CDA: variants seen among roughly 807,000 people sequenced by gnomAD.
CDA encodes cytidine aminohydrolase.
CDA carries 7 observed loss-of-function variants against 15.0 expected under a neutral mutation model. The observed-to-expected ratio is 0.47, with a 90% CI of 0.26 to 0.87. The LOEUF is 0.87. CDA is among the 40% of genes least tolerant of loss of function. The pLI is 0.15. For synonymous variants in CDA, 58 were observed against 73.0 expected, an observed-to-expected ratio of 0.79 and a Z score of 1.05; for missense variants, 159 against 182.7, an observed-to-expected ratio of 0.87 and a Z score of 0.75.
rs531085538 is a variant in CDA at position 20,605,365 on chromosome 1, C to CG, written c.266+332dup. 2.0e-3 allele frequency among the ~76,000 whole-genome samples: 298 copies of CG among 152,080 alleles called. 5 individuals carry two copies. Among genetic ancestry groups the CG allele is most frequent in the South Asian group, 1.0e-3 (5 of 4,808 alleles). The stretch of plus-strand genomic sequence containing the variant: ...AGAAAGGCAGCATTGAAACATAAAG[C>CG]GGGGGGAACCTGAGCCAGGCGCGGT... On this transcript the variant is annotated intron_variant, in intron 2 of 3. Coordinates refer to ENST00000375071, the MANE Select transcript of CDA (RefSeq NM_001785.3).
Position 20,618,434 on chromosome 1 carries a change from G to C in CDA, c.325-18G>C. On this transcript the variant is annotated intron_variant, in intron 3 of 3. Transcript: ENST00000375071. Reference sequence around the variant, plus strand: ...CAGCCACGCTGTGTCTCTCACGCCAGCTTTGCCTCTTTTCCAGTTTGGCAC... The same window carrying C: ...CAGCCACGCTGTGTCTCTCACGCCACCTTTGCCTCTTTTCCAGTTTGGCAC... 2 of 1,511,594 alleles carry C rather than the reference G, an allele frequency of 1.3e-6. No individual in the cohort carries two copies. The highest frequency in any genetic ancestry group is 1.8e-6 in the Non-Finnish European group (2 of 1,089,646). The allele number at this position is 1,511,594 out of a possible 1,614,324, so 93.6% of individuals were successfully genotyped here.
chr1:20,601,472 C>A (rs1432798401), intron 1 of CDA, among the ~76,000 whole-genome samples: 6 of 152,138 alleles, frequency 3.9e-5, no homozygotes, highest in Non-Finnish European at 8.8e-5. Context: ...TATAGTCTAC[C>A]CTTTGGTGCT....
At position 20,617,995 on chromosome 1, in the gene CDA, C is replaced by A. The variant is rs55738402; in HGVS notation, c.325-457C>A. 9.4e-3 allele frequency among the ~76,000 whole-genome samples: 1,430 copies of A among 152,160 alleles called. 12 individuals are homozygous for A. The highest frequency in any genetic ancestry group is 0.014 in the Middle Eastern group (4 of 294). ...TACAGGCGTGCGCCACAACACCCGG[C>A]CTAAACCTCTTTTCTTTATAAATTA... On this transcript the variant is annotated intron_variant, in intron 3 of 3. Coordinates refer to ENST00000375071, the MANE Select transcript of CDA (RefSeq NM_001785.3).
At position 20,589,299 on chromosome 1, in the gene CDA, C is replaced by G. The variant is rs1021843184; in HGVS notation, c.154+16C>G. ...ATCTTCAAAGGTAAAGGTGGGCACC[C>G]CAGGGTCCCCCAGCCCAGCAGCCTG... On this transcript the variant is annotated intron_variant, in intron 1 of 3. Transcript: ENST00000375071. 1 of 1,611,986 alleles carries G rather than the reference C, an allele frequency of 6.2e-7. No individual in the cohort carries two copies. Among genetic ancestry groups the G allele is most frequent in the Non-Finnish European group, 8.5e-7 (1 of 1,178,794 alleles).
intron 1 of CDA, among the ~76,000 whole-genome samples, chr1:20,600,668 C>T (rs143155333): frequency 3.5e-4 from 52 of 150,622 alleles, no homozygotes; most frequent in African/African-American, 8.5e-4. Context: ...AGATGAGAAT[C>T]ACTTGAACCC....
chr1:20,593,260 G>A (rs948549096), intron 1 of CDA, among the ~76,000 whole-genome samples: 2 of 152,142 alleles, frequency 1.3e-5, no homozygotes, highest in African/African-American at 2.4e-5. Flanking sequence ...AGCAGTATTC[G>A]AAGCTACAAT....
chr1:20,608,512 C>T (rs1416280403), intron 2 of CDA, among the ~76,000 whole-genome samples: 2 of 152,114 alleles, frequency 1.3e-5, no homozygotes, highest in East Asian at 3.9e-4. Context: ...CAGGTTCAAG[C>T]GATTCTCATG....
chr1:20,599,660 A>AAT, intron 1 of CDA, among the ~76,000 whole-genome samples: 6 of 151,734 alleles, frequency 4.0e-5, no homozygotes, highest in African/African-American at 1.2e-4. Flanking sequence ...AACAAAATAA[A>AAT]ATAAAATAAA....
chr1:20,596,628 G>A (rs2052593490), intron 1 of CDA, among the ~76,000 whole-genome samples: 1 of 152,076 alleles, frequency 6.6e-6, no homozygotes. Flanking sequence ...TTGAGTGTGA[G>A]AATACTGCTT....
chr1:20,605,167 T>C, intron 2 of CDA, 128 bp downstream of exon 2: 4 of 719,660 alleles, frequency 5.6e-6, no homozygotes, highest in South Asian at 3.0e-5. Context: ...TGCCAGGCAC[T>C]GTACAGGGCC....
At chr1:20,599,810 T>A (rs2052625373) in intron 1 of CDA, among the ~76,000 whole-genome samples, 1 of 152,318 alleles carries the variant, frequency 6.6e-6, no homozygotes, top group East Asian at 1.9e-4. Flanking sequence ...AGCTAACAGC[T>A]GCCGACCATT....
intron 3 of CDA, among the ~76,000 whole-genome samples, chr1:20,617,416 T>C (rs1400681665): frequency 1.3e-5 from 2 of 152,226 alleles, no homozygotes; most frequent in Non-Finnish European, 1.5e-5. Flanking sequence ...AAATCTCATC[T>C]TGAATTGTAG....
intron 2 of CDA, among the ~76,000 whole-genome samples, chr1:20,610,461 C>T (rs1357830830): frequency 7.2e-5 from 11 of 151,746 alleles, no homozygotes; most frequent in African/African-American, 7.3e-5. Context: ...CCACCACGCC[C>T]GGCTAATTTT....
chr1:20,608,017 G>A (rs985612470), intron 2 of CDA, among the ~76,000 whole-genome samples: 10 of 152,282 alleles, frequency 6.6e-5, no homozygotes, highest in East Asian at 1.9e-4. Context: ...TGATAAGTAC[G>A]GCCTCAGTGT....
At chr1:20,610,259 A>G (rs1456190365) in intron 2 of CDA, among the ~76,000 whole-genome samples, 1 of 36,920 alleles carries the variant, frequency 2.7e-5, no homozygotes, top group South Asian at 4.9e-4. Flanking sequence ...GGCACACATT[A>G]TCTTTTTTTT....
rs114216874 is a variant in CDA, at chr1:20,590,813, C to T, written c.154+1530C>T. Among the ~76,000 whole-genome samples the T allele has an allele frequency of 2.8e-3, 420 of 152,218 alleles. 2 individuals carry two copies. Among genetic ancestry groups the T allele is most frequent in the African/African-American group, 9.5e-3 (396 of 41,546 alleles). On this transcript the variant is annotated intron_variant, in intron 1 of 3. Coordinates refer to ENST00000375071, the MANE Select transcript of CDA (RefSeq NM_001785.3). ...ATTGGATGAATGAATGAGATGAGTA[C>T]GTTTGGAGAAGCAGAAGGAAGAGGG... is the stretch of plus-strand genomic sequence containing the variant.
rs147533006 is a variant in CDA at position 20,618,470 on chromosome 1, G to A, written c.343G>A (p.Val115Met). 132 of 1,611,922 alleles carry A rather than the reference G, an allele frequency of 8.2e-5. No homozygotes were observed. The highest frequency in any genetic ancestry group is 6.5e-4 in the South Asian group (59 of 90,944). ...VMREFGTNWPVYMTKPDGTYI... is the reference protein window; with the variant it reads ...VMREFGTNWPMYMTKPDGTYI... ...TTTCCAGTTTGGCACCAACTGGCCC[G>A]TGTACATGACCAAGCCGGATGGTAC... Residue 115 changes from valine to methionine, a missense_variant, in exon 4 of 4, where the codon GTG (valine) becomes ATG (methionine). Coordinates refer to ENST00000375071, the MANE Select transcript of CDA (RefSeq NM_001785.3).
intron 2 of CDA, among the ~76,000 whole-genome samples, chr1:20,612,295 G>C (rs12125531): frequency 0.24 from 37,049 of 151,922 alleles, 4,854 homozygotes; most frequent in African/African-American, 0.32. Context: ...TTGATGTCAG[G>C]CCTCTGAGCC....
intron 1 of CDA, among the ~76,000 whole-genome samples, chr1:20,598,103 T>C (rs564452544): frequency 2.2e-4 from 33 of 152,276 alleles, no homozygotes; most frequent in Admixed American, 1.8e-3. Context: ...TTGGAGGGCT[T>C]CTCTTTTCAA....
Sources: allele counts gnomAD v4.1 joint callset (sites outside exome capture counted in the v4.1 genomes callset), GRCh38; gene constraint gnomAD v4.1.1; transcripts MANE v1.5; gene names NCBI Gene and HGNC (gene_info 2026-07-23, HGNC 2026-07-21).